The following SAMD14 variants were observed in gnomAD, a reference collection of about 807,000 sequenced individuals.
SAMD14 encodes sterile alpha motif domain-containing protein 14.
A neutral mutation model predicts 46.2 loss-of-function variants in SAMD14; 27 were observed. The ratio of observed to expected loss-of-function variants is 0.58; its 90% CI spans 0.43 to 0.81. The LOEUF (loss-of-function observed/expected upper bound fraction) is 0.81, where lower values mean the gene tolerates loss of function less well. SAMD14 is among the 30% of genes least tolerant of loss of function. The pLI is 0.00. For missense variants in SAMD14, 559 were observed against 582.2 expected (o/e 0.96, Z 0.41); for synonymous variants, 241 against 254.3 (o/e 0.95, Z 0.50).
chr17:50,125,244 C>A, intron 1 of SAMD14: 1 of 441,856 alleles, frequency 2.3e-6, no homozygotes, highest in Non-Finnish European at 4.2e-6. Flanking sequence ...GTATCCTGGT[C>A]CACTGATTTG....
chr17:50,123,970 G>T, intron 2 of SAMD14: 3 of 411,402 alleles, frequency 7.3e-6, no homozygotes, highest in South Asian at 5.2e-5. Flanking sequence ...AGGAGACTGG[G>T]ATGGGAAGCA....
chr17:50,117,832 AG>A, intron 3 of SAMD14, 137 bp from the exon 4 acceptor site: 1 of 943,354 alleles, frequency 1.1e-6, no homozygotes, highest in Non-Finnish European at 1.5e-6. Flanking sequence ...TGCCTTAGGC[AG>A]CGGGGTGGCT....
At position 50,111,312 on chromosome 17, in the gene SAMD14, TGGTCACTG is replaced by T. The variant is rs1910827577; in HGVS notation, c.*1573_*1580del. On this transcript the variant is annotated 3_prime_UTR_variant, in exon 10 of 10. Transcript: ENST00000330175. The stretch of plus-strand genomic sequence containing the variant: ...CAACAACTGGAGCAGACAGAAATTC[TGGTCACTG>T]GCACATCATAAGGATTTATTGAAAT... The T allele has an allele frequency of 6.6e-6, 1 of 152,344 alleles. No homozygotes were observed. Among genetic ancestry groups the T allele is most frequent in the Admixed American group, 6.5e-5 (1 of 15,288 alleles). 9.4% of individuals were successfully genotyped at this position (152,344 alleles called of 1,614,324 possible).
intron 4 of SAMD14, 43 bp downstream of exon 4, chr17:50,117,364 C>A (rs1911260112): frequency 1.6e-6 from 2 of 1,278,628 alleles, no homozygotes; most frequent in Middle Eastern, 3.0e-4. Flanking sequence ...GCTGCTGCGC[C>A]CGGGAGCGAC....
At chr17:50,125,260 T>C (rs1911712621) in intron 1 of SAMD14, 1 of 392,828 alleles carries the variant, frequency 2.5e-6, no homozygotes, top group Non-Finnish European at 4.7e-6. Flanking sequence ...ATTTGCTGTG[T>C]GCCTTCACGT....
chr17:50,128,275 G>A (rs1295998376), intron 1 of SAMD14, among the ~76,000 whole-genome samples: 1 of 152,018 alleles, frequency 6.6e-6, no homozygotes, highest in African/African-American at 2.4e-5. Flanking sequence ...AGCCATTCTC[G>A]GTCCATCCTG....
rs753221374 is a variant in SAMD14 at position 50,113,063 on chromosome 17, G to T, written c.1099-15C>A. ...AGCCCCAGGCTCTGGGGAGGAGTCC[G>T]GGGTGAGGGAGAGAGTCCCAGAACC... On this transcript the variant is annotated splice_polypyrimidine_tract_variant and intron_variant, in intron 9 of 9. Coordinates refer to ENST00000330175, the MANE Select transcript of SAMD14 (RefSeq NM_001257359.2). The T allele has an allele frequency of 6.2e-7, 1 of 1,609,788 alleles. No homozygotes were observed. Among genetic ancestry groups the T allele is most frequent in the Non-Finnish European group, 8.5e-7 (1 of 1,179,814 alleles).
chr17:50,124,656 G>A (rs1486210684), intron 2 of SAMD14, among the ~76,000 whole-genome samples: 1 of 152,074 alleles, frequency 6.6e-6, no homozygotes, highest in Non-Finnish European at 1.5e-5. Context: ...CCTAGTATCT[G>A]GCATAAGAGA....
At chr17:50,124,765 G>GCACGCGCACA in intron 2 of SAMD14, 152 bp downstream of exon 2, 1 of 634,208 alleles carries the variant, frequency 1.6e-6, no homozygotes, top group East Asian at 2.9e-5. Flanking sequence ...GCGTGCACGC[G>GCACGCGCACA]CGCGCGCACA....
chr17:50,115,475 C>G lies in SAMD14; in HGVS notation c.822+89G>C. On this transcript the variant is annotated intron_variant, in intron 7 of 9. Transcript: ENST00000330175. The surrounding 1 kb of genome is among the most constrained non-coding windows in gnomAD (Gnocchi z 5.3). ...ATGGACAAATTGATTCCAGGAATGT[C>G]TGAATCCCAGCCTGAGCCAAGGTGA... is the stretch of plus-strand genomic sequence containing the variant. 2.2e-6 allele frequency: 3 copies of G among 1,390,128 alleles called. No homozygotes were observed. The highest frequency in any genetic ancestry group is 2.9e-6 in the Non-Finnish European group (3 of 1,028,022). The allele number at this position is 1,390,128 out of a possible 1,614,324, so 86.1% of individuals were successfully genotyped here.
At position 50,115,622 on chromosome 17, in the gene SAMD14, G is replaced by T. The variant is rs1349798724; in HGVS notation, c.764C>A (p.Thr255Asn). 3 of 1,602,032 alleles carry T rather than the reference G, an allele frequency of 1.9e-6. No individual in the cohort carries two copies. Among genetic ancestry groups the T allele is most frequent in the Admixed American group, 1.7e-5 (1 of 59,192 alleles). The change falls in exon 7 of 10, where the codon ACC (threonine) becomes AAC (asparagine). Residue 255 changes from threonine to asparagine, a missense_variant. Coordinates refer to ENST00000330175, the MANE Select transcript of SAMD14 (RefSeq NM_001257359.2). The surrounding 1 kb of genome is among the most constrained non-coding windows in gnomAD (Gnocchi z 5.3). ...GKGSASSGST[T>N]SPTCSPKHEG... ...GTGTTTAGGGGAGCAGGTGGGGGAGGTGGTGCTACCCGAGGATGCTGAGCC... is the reference window on the plus strand; with the variant it reads ...GTGTTTAGGGGAGCAGGTGGGGGAGTTGGTGCTACCCGAGGATGCTGAGCC...
chr17:50,121,961 A>G (rs1468652360), intron 2 of SAMD14, among the ~76,000 whole-genome samples: 2 of 152,264 alleles, frequency 1.3e-5, no homozygotes, highest in African/African-American at 4.8e-5. Flanking sequence ...ATCAAATAAA[A>G]TAATCCATAT....
intron 9 of SAMD14, 51 bp from the exon 10 acceptor site, chr17:50,113,099 T>C: frequency 6.3e-7 from 1 of 1,595,178 alleles, no homozygotes; most frequent in African/African-American, 1.3e-5. Flanking sequence ...TTCCCAGTCC[T>C]GGCCTCCCAC....
At chr17:50,116,199 G>A in intron 4 of SAMD14, 109 bp from the exon 5 acceptor site, 1 of 1,464,330 alleles carries the variant, frequency 6.8e-7, no homozygotes, top group South Asian at 1.4e-5. Flanking sequence ...CAGGCATCCT[G>A]GCTCTGGTGG....
In SAMD14 at chr17:50,110,155, G is replaced by T; in HGVS notation, c.*2738C>A. 6.6e-7 allele frequency: 1 copy of T among 1,505,948 alleles called. No homozygotes were observed. The highest frequency in any genetic ancestry group is 8.9e-7 in the Non-Finnish European group (1 of 1,120,398). The allele number at this position is 1,505,948 out of a possible 1,614,324, so 93.3% of individuals were successfully genotyped here. A position where few individuals can be genotyped will look rare whatever the true frequency, so the allele number is the denominator to read the frequency against. The stretch of plus-strand genomic sequence containing the variant: ...ACTGCCGCCTCTGGGTCCCCCCACC[G>T]TGGTGCCCCTCACCATCCTCCTGGG... On this transcript the variant is annotated 3_prime_UTR_variant, in exon 10 of 10. Transcript: ENST00000330175.
rs2239953 is a variant in SAMD14, at chr17:50,111,660, G to A, written c.*1233C>T. 90,435 of 152,162 alleles carry A rather than the reference G, an allele frequency of 0.59. 26,949 individuals are homozygous for A. Among genetic ancestry groups the A allele is most frequent in the African/African-American group, 0.64 (26,655 of 41,460 alleles). The allele number at this position is 152,162 out of a possible 1,614,324, so 9.4% of individuals were successfully genotyped here. On this transcript the variant is annotated 3_prime_UTR_variant, in exon 10 of 10. Coordinates refer to ENST00000330175, the MANE Select transcript of SAMD14 (RefSeq NM_001257359.2). ...GGAGGAGCTGGAGGGGTTTCCAAGCGGGAGCCCCCAGGCCTCATCGGTAAC... is the reference window on the plus strand; with the variant it reads ...GGAGGAGCTGGAGGGGTTTCCAAGCAGGAGCCCCCAGGCCTCATCGGTAAC...
chr17:50,120,256 G>A (rs530730119), intron 2 of SAMD14, among the ~76,000 whole-genome samples: 6 of 152,080 alleles, frequency 3.9e-5, no homozygotes, highest in African/African-American at 7.2e-5. Flanking sequence ...TTGTGTATGC[G>A]AATGTATACA....
rs149737093 is a variant in SAMD14 at position 50,118,266 on chromosome 17, G to A, written c.105C>T (p.Ala35=). Residue 35 remains alanine (A), a synonymous_variant, in exon 3 of 10, where the codon GCC becomes GCT. Coordinates refer to ENST00000330175, the MANE Select transcript of SAMD14 (RefSeq NM_001257359.2). ...GTCTCCGGCCCTTGGCCAACAGTTG[G>A]GCCCGGGCCTTGTGTAAACTGCTGT... is the stretch of plus-strand genomic sequence containing the variant. ...RLDSSLHKAR[A]QLLAKGRRHR... 4 of 1,613,874 alleles carry A rather than the reference G, an allele frequency of 2.5e-6. No homozygotes were observed. Among genetic ancestry groups the A allele is most frequent in the Non-Finnish European group, 3.4e-6 (4 of 1,180,024 alleles).
At chr17:50,119,768 G>A (rs745912255) in intron 2 of SAMD14, among the ~76,000 whole-genome samples, 1 of 152,138 alleles carries the variant, frequency 6.6e-6, no homozygotes, top group Non-Finnish European at 1.5e-5. Flanking sequence ...CCCAGACCCA[G>A]TTGGTAATTC....
Sources: gnomAD v4.1 joint callset for allele counts (sites outside exome capture counted in the v4.1 genomes callset) on GRCh38, gnomAD v4.1.1 for gene constraint, Gnocchi (gnomAD v3.1) non-coding constraint, MANE v1.5 for transcripts, NCBI Gene and HGNC (gene_info 2026-07-23, HGNC 2026-07-21) for gene names.